Variants in CENPO observed in about 807,000 individuals in gnomAD.
CENPO encodes centromeric protein O.
CENPO carries 30 observed loss-of-function variants against 36.1 expected under a neutral mutation model. The observed-to-expected ratio is 0.83, with a 90% CI of 0.62 to 1.13. CENPO has a LOEUF of 1.13. Ranked by LOEUF, CENPO falls within the 50% of genes most tolerant of loss-of-function variation. The probability of loss-of-function intolerance (pLI) is 0.00; values close to 1 mark genes in which losing one functional copy is unlikely to be tolerated. For synonymous variants in CENPO, 171 were observed against 142.3 expected, an observed-to-expected ratio of 1.20 and a Z score of -1.44; for missense variants, 349 against 357.8, an observed-to-expected ratio of 0.98 and a Z score of 0.20.
At chr2:24,816,301 ACT>A (rs1666935648) in intron 5 of CENPO, 1 of 214,662 alleles carries the variant, frequency 4.7e-6, no homozygotes, top group South Asian at 1.4e-4. Context: ...ATTTGGAGTA[ACT>A]CTGAAGCTCT....
At chr2:24,798,844 A>G (rs903968631) in intron 2 of CENPO, among the ~76,000 whole-genome samples, 8 of 152,052 alleles carry the variant, frequency 5.3e-5, no homozygotes, top group Non-Finnish European at 1.0e-4. Flanking sequence ...GGTGAATGAG[A>G]TAAGTTTTTG....
intron 3 of CENPO, among the ~76,000 whole-genome samples, chr2:24,811,949 A>G (rs1009176302): frequency 6.6e-6 from 1 of 152,210 alleles, no homozygotes; most frequent in Non-Finnish European, 1.5e-5. Flanking sequence ...AATCTACCAT[A>G]GTATTTTATT....
chr2:24,811,868 T>A (rs1216470911), intron 3 of CENPO, among the ~76,000 whole-genome samples: 1 of 152,238 alleles, frequency 6.6e-6, no homozygotes, highest in Non-Finnish European at 1.5e-5. Context: ...AGTGCTGGAA[T>A]TACAGGTGTG....
chr2:24,820,645 G>A lies in CENPO; in HGVS notation c.*1327G>A, dbSNP rs1667490979. 1.1e-5 allele frequency: 17 copies of A among 1,584,668 alleles called. No homozygotes were observed. The Admixed American group carries it at 2.9e-4, about 27-fold the overall frequency. Reference sequence around the variant, plus strand: ...CTGTTCAGGGCCAGGGTGGGAGGCAGGGGCACGTGGGAAAGCACTGTTCCG... The same window carrying A: ...CTGTTCAGGGCCAGGGTGGGAGGCAAGGGCACGTGGGAAAGCACTGTTCCG... On this transcript the variant is annotated 3_prime_UTR_variant, in exon 8 of 8. Coordinates refer to ENST00000380834, the MANE Select transcript of CENPO (RefSeq NM_001322101.2).
intron 3 of CENPO, among the ~76,000 whole-genome samples, chr2:24,803,922 G>A (rs1219766242): frequency 3.9e-5 from 6 of 152,058 alleles, no homozygotes; most frequent in Non-Finnish European, 8.8e-5. Context: ...TAATGTTGAT[G>A]GTGGGGTGTT....
Position 24,811,793 on chromosome 2 carries a change from T to C in CENPO, c.217-2583T>C, listed in dbSNP as rs186622297. Among the ~76,000 whole-genome samples, 50 of 152,246 alleles carry C rather than the reference T, an allele frequency of 3.3e-4. 1 individual carries two copies. Among genetic ancestry groups the C allele is most frequent in the Admixed American group, 2.8e-3 (43 of 15,282 alleles). ...TTGTATTTTTAGTAGAGACGGGGTT[T>C]CACCATGTTGGCCAGTCTGGTCTTG... On this transcript the variant is annotated intron_variant, in intron 3 of 7. Transcript: ENST00000380834.
rs1205980258 is a variant in CENPO, at chr2:24,820,926, A to T, written c.*1608A>T. ...GCCTCAGAAGCCATCTCCTCTCCAG[A>T]CCTGTACCACAAAGCTCCTAATGTA... On this transcript the variant is annotated 3_prime_UTR_variant, in exon 8 of 8. Coordinates refer to ENST00000380834, the MANE Select transcript of CENPO (RefSeq NM_001322101.2). The T allele has an allele frequency of 3.2e-6, 5 of 1,562,206 alleles. No individual in the cohort carries two copies. Among genetic ancestry groups the T allele is most frequent in the Non-Finnish European group, 4.3e-6 (5 of 1,150,802 alleles).
At chr2:24,796,310 C>T (rs1226557578) in intron 2 of CENPO, among the ~76,000 whole-genome samples, 4 of 152,040 alleles carry the variant, frequency 2.6e-5, no homozygotes, top group African/African-American at 7.3e-5. Flanking sequence ...GCTGAGATCG[C>T]GCCACTGCAC....
intron 2 of CENPO, among the ~76,000 whole-genome samples, chr2:24,796,084 G>A (rs752830186): frequency 5.9e-5 from 9 of 151,994 alleles, no homozygotes; most frequent in Non-Finnish European, 1.2e-4. Flanking sequence ...GGCCGGGCGC[G>A]GTGGCTCACA....
chr2:24,812,967 C>G (rs945733893), intron 3 of CENPO, among the ~76,000 whole-genome samples: 1 of 142,444 alleles, frequency 7.0e-6, no homozygotes, highest in Admixed American at 7.5e-5. Context: ...ATACGGAGGT[C>G]AGGTGCTGTG....
intron 4 of CENPO, among the ~76,000 whole-genome samples, chr2:24,815,193 G>C (rs552035701): frequency 6.7e-6 from 1 of 150,044 alleles, no homozygotes; most frequent in Admixed American, 6.7e-5. Context: ...AGCTGAGATC[G>C]TGCCACCGCA....
intron 3 of CENPO, among the ~76,000 whole-genome samples, chr2:24,811,014 G>A (rs1284530842): frequency 3.3e-5 from 5 of 151,774 alleles, no homozygotes; most frequent in Non-Finnish European, 5.9e-5. Context: ...CGAGATCTCA[G>A]CTCACTGCAA....
intron 3 of CENPO, among the ~76,000 whole-genome samples, chr2:24,803,373 T>G (rs1187087958): frequency 6.6e-6 from 1 of 152,178 alleles, no homozygotes; most frequent in Non-Finnish European, 1.5e-5. Flanking sequence ...TCTGCTAGCT[T>G]TTGAATGTGT....
Position 24,819,771 on chromosome 2 carries a change from C to T in CENPO, c.*453C>T. 1.4e-6 allele frequency: 1 copy of T among 738,978 alleles called. No individual in the cohort carries two copies. Among genetic ancestry groups the T allele is most frequent in the Non-Finnish European group, 2.2e-6 (1 of 453,362 alleles). 45.8% of individuals were successfully genotyped at this position (738,978 alleles called of 1,614,324 possible). A position where few individuals can be genotyped will look rare whatever the true frequency, so the allele number is the denominator to read the frequency against. On this transcript the variant is annotated 3_prime_UTR_variant, in exon 8 of 8. Coordinates refer to ENST00000380834, the MANE Select transcript of CENPO (RefSeq NM_001322101.2). ...CAGGCACACACAGGAATAGCAGGGCCACCCTCAGAGCTCACACATCCACGA... is the reference window on the plus strand; with the variant it reads ...CAGGCACACACAGGAATAGCAGGGCTACCCTCAGAGCTCACACATCCACGA...
At position 24,817,805 on chromosome 2, in the gene CENPO, AATAG is replaced by A. The variant is rs1667029547; in HGVS notation, c.*2_*5del. 1 of 1,614,122 alleles carries A rather than the reference AATAG, an allele frequency of 6.2e-7. No individual in the cohort carries two copies. Among genetic ancestry groups the A allele is most frequent in the Non-Finnish European group, 8.5e-7 (1 of 1,180,012 alleles). On this transcript the variant is annotated stop_retained_variant and 3_prime_UTR_variant, in exon 7 of 8. Transcript: ENST00000380834. ...AAGTTGGATATGAGTCTGGTCTCCT[AATAG>A]ATTGTTTTCACTGCACTGGGAGCAC...
chr2:24,799,121 C>T (rs1367669601), intron 2 of CENPO, among the ~76,000 whole-genome samples: 11 of 151,758 alleles, frequency 7.2e-5, no homozygotes, highest in Admixed American at 6.6e-5. Flanking sequence ...CTCAGCCTCC[C>T]GAGTAGCTGG....
intron 3 of CENPO, 31 bp downstream of exon 3, chr2:24,799,875 T>C (rs1207172512): frequency 6.2e-7 from 1 of 1,609,024 alleles, no homozygotes; most frequent in Non-Finnish European, 8.5e-7. Context: ...AGCAGTTCCT[T>C]TAGAGTATAA....
intron 2 of CENPO, among the ~76,000 whole-genome samples, chr2:24,797,098 G>T (rs1264220141): frequency 2.0e-5 from 3 of 152,204 alleles, no homozygotes; most frequent in Non-Finnish European, 4.4e-5. Context: ...CTTGTAATAG[G>T]CCAGAAATGG....
At chr2:24,800,097 C>T (rs999237039) in intron 3 of CENPO, among the ~76,000 whole-genome samples, 2 of 152,096 alleles carry the variant, frequency 1.3e-5, no homozygotes, top group Non-Finnish European at 2.9e-5. Flanking sequence ...CCAGCCTGGC[C>T]AACATGGTGA....
Sources: allele counts gnomAD v4.1 joint callset (sites outside exome capture counted in the v4.1 genomes callset), GRCh38; gene constraint gnomAD v4.1.1; transcripts MANE v1.5; gene names NCBI Gene and HGNC (gene_info 2026-07-23, HGNC 2026-07-21).